Variants in ARHGEF2 observed in about 807,000 individuals in gnomAD.
ARHGEF2 encodes Rho/Rac guanine nucleotide exchange factor 2.
Under a neutral mutation model 121.0 loss-of-function variants are expected in ARHGEF2, and 22 were observed. The observed-to-expected ratio is 0.18, with a 90% CI of 0.13 to 0.26. The LOEUF is 0.26. Among genes scored for constraint, ARHGEF2 ranks in the 10% least tolerant of loss-of-function variants. The pLI is 1.00. For synonymous variants in ARHGEF2, 487 were observed against 530.0 expected (o/e 0.92, Z 1.11); for missense variants, 907 against 1,336.0 (o/e 0.68, Z 5.01).
intron 3 of ARHGEF2, 146 bp from the exon 4 acceptor site, chr1:155,966,625 G>C: frequency 1.9e-6 from 2 of 1,067,328 alleles, no homozygotes; most frequent in Admixed American, 3.8e-5. Context: ...ATTGAGCCCA[G>C]TGCTGTGGGG....
At chr1:155,953,824 G>A (rs1335200678) in intron 14 of ARHGEF2, among the ~76,000 whole-genome samples, 1 of 151,990 alleles carries the variant, frequency 6.6e-6, no homozygotes, top group Non-Finnish European at 1.5e-5. Context: ...TCCTTGCTAG[G>A]TGTGATACAG....
rs1471268803 is a variant in ARHGEF2 at position 155,957,887 on chromosome 1, C to T, written c.1546-5G>A. ...CGATACCACTGAAGGCTTGTCCTGC[C>T]AGTCAGGGGAAAGGAAGGATTAAGC... On this transcript the variant is annotated splice_polypyrimidine_tract_variant and splice_region_variant and intron_variant, in intron 12 of 21. Coordinates refer to ENST00000361247, the MANE Select transcript of ARHGEF2 (RefSeq NM_001162383.2). 3 of 1,612,702 alleles carry T rather than the reference C, an allele frequency of 1.9e-6. No individual in the cohort carries two copies. Among genetic ancestry groups the T allele is most frequent in the East Asian group, 4.5e-5 (2 of 44,884 alleles).
In ARHGEF2 at chr1:155,957,885, G is replaced by A. The variant is rs1677028514; in HGVS notation, c.1546-3C>T. On this transcript the variant is annotated splice_polypyrimidine_tract_variant and splice_region_variant and intron_variant, in intron 12 of 21. Transcript: ENST00000361247. ...AGCGATACCACTGAAGGCTTGTCCT[G>A]CCAGTCAGGGGAAAGGAAGGATTAA... The A allele has an allele frequency of 1.9e-6, 3 of 1,612,824 alleles. No individual in the cohort carries two copies. The highest frequency in any genetic ancestry group is 2.5e-6 in the Non-Finnish European group (3 of 1,179,368).
chr1:155,978,211 C>T lies in ARHGEF2; in HGVS notation c.63+154G>A. 1 of 1,264,138 alleles carries T rather than the reference C, an allele frequency of 7.9e-7. No homozygotes were observed. The highest frequency in any genetic ancestry group is 1.0e-6 in the Non-Finnish European group (1 of 988,110). The allele number at this position is 1,264,138 out of a possible 1,614,324, so 78.3% of individuals were successfully genotyped here. A position where few individuals can be genotyped will look rare whatever the true frequency, so the allele number is the denominator to read the frequency against. On this transcript the variant is annotated intron_variant, in intron 1 of 21. Coordinates refer to ENST00000361247, the MANE Select transcript of ARHGEF2 (RefSeq NM_001162383.2). The surrounding 1 kb of genome is among the most constrained non-coding windows in gnomAD (Gnocchi z 4.1). Reference sequence around the variant, plus strand: ...CCACCCCTACCCACTCGCTCGCAGTCCCCACCCACCCCGTCCCGCCGCTCG... The same window carrying T: ...CCACCCCTACCCACTCGCTCGCAGTTCCCACCCACCCCGTCCCGCCGCTCG...
chr1:155,955,232 C>G (rs983126103), intron 13 of ARHGEF2, among the ~76,000 whole-genome samples: 4 of 152,106 alleles, frequency 2.6e-5, no homozygotes, highest in Admixed American at 1.3e-4. Context: ...TCAAGTGATT[C>G]ACTTGTCTCA....
intron 2 of ARHGEF2, 45 bp downstream of exon 2, chr1:155,969,111 A>G: frequency 6.2e-7 from 1 of 1,609,356 alleles, no homozygotes; most frequent in Non-Finnish European, 8.5e-7. Flanking sequence ...GATCAGGGTC[A>G]GTGGGCACCG....
chr1:155,959,070 G>A (rs1677330109), intron 11 of ARHGEF2, among the ~76,000 whole-genome samples: 1 of 151,924 alleles, frequency 6.6e-6, no homozygotes, highest in Admixed American at 6.6e-5. Flanking sequence ...AGACCCCCTG[G>A]GATGTCAGGC....
chr1:155,979,121 G>C (rs563879476), upstream of ARHGEF2: 3 of 985,462 alleles, frequency 3.0e-6, no homozygotes, highest in Non-Finnish European at 3.6e-6. Flanking sequence ...GGAAGGGTAG[G>C]ATTCACTCCC....
In ARHGEF2 at chr1:155,978,315, C is replaced by A. The variant is rs1248255323; in HGVS notation, c.63+50G>T. The A allele has an allele frequency of 1.4e-6, 2 of 1,429,050 alleles. No homozygotes were observed. The highest frequency in any genetic ancestry group is 1.9e-6 in the Non-Finnish European group (2 of 1,069,496). The allele number at this position is 1,429,050 out of a possible 1,614,324, so 88.5% of individuals were successfully genotyped here. On this transcript the variant is annotated intron_variant, in intron 1 of 21. Transcript: ENST00000361247. This position sits in a 1 kb window ranked among gnomAD's most constrained non-coding sequence, Gnocchi z 4.1. Reference sequence around the variant, plus strand: ...GAGATGCACCGCGGGTGCCGGGGTTCGGGGAGCACCCGAGGACCGCGGCGA... The same window carrying A: ...GAGATGCACCGCGGGTGCCGGGGTTAGGGGAGCACCCGAGGACCGCGGCGA...
intron 1 of ARHGEF2, among the ~76,000 whole-genome samples, chr1:155,976,930 C>T (rs1572212107): frequency 6.6e-6 from 1 of 152,094 alleles, no homozygotes; most frequent in Admixed American, 6.5e-5. Context: ...CTAATCCCAA[C>T]CCCCTAAGGA....
At chr1:155,976,003 G>T (rs1681231268) in intron 1 of ARHGEF2, among the ~76,000 whole-genome samples, 1 of 152,008 alleles carries the variant, frequency 6.6e-6, no homozygotes, top group South Asian at 2.1e-4. Context: ...AGGAAGCATG[G>T]AGGGGGCTAC....
At chr1:155,973,250 G>C (rs1279736902) in intron 1 of ARHGEF2, among the ~76,000 whole-genome samples, 3 of 152,074 alleles carry the variant, frequency 2.0e-5, no homozygotes, top group Non-Finnish European at 4.4e-5. Flanking sequence ...CCCTATTCTG[G>C]AAACCCTCTT....
At position 155,947,380 on chromosome 1, in the gene ARHGEF2, A is replaced by G; in HGVS notation, c.*562T>C. On this transcript the variant is annotated 3_prime_UTR_variant, in exon 22 of 22. Coordinates refer to ENST00000361247, the MANE Select transcript of ARHGEF2 (RefSeq NM_001162383.2). ...AGCCAGGTTATCTCCCAGGGCTTCC[A>G]TGAAGGACGGAGAAAGGGAGAACAG... 2.2e-6 allele frequency: 1 copy of G among 456,590 alleles called. No homozygotes were observed. Among genetic ancestry groups the G allele is most frequent in the South Asian group, 1.5e-5 (1 of 64,562 alleles). 28.3% of individuals were successfully genotyped at this position (456,590 alleles called of 1,614,324 possible).
intron 1 of ARHGEF2, chr1:155,969,848 CA>C: frequency 1.0e-6 from 1 of 985,980 alleles, no homozygotes; most frequent in Non-Finnish European, 1.2e-6. Flanking sequence ...CTGAAGGGGG[CA>C]GAATGCCTCC....
intron 14 of ARHGEF2, among the ~76,000 whole-genome samples, chr1:155,954,282 C>CTTTTTTTT (rs544870775): frequency 2.8e-5 from 3 of 108,508 alleles, no homozygotes; most frequent in Admixed American, 1.2e-4. Flanking sequence ...CAATCTACTT[C>CTTTTTTTT]TTTTTTTTTT....
chr1:155,950,722 G>T lies in ARHGEF2; in HGVS notation c.2703+107C>A. The T allele has an allele frequency of 8.4e-7, 1 of 1,186,580 alleles. No individual in the cohort carries two copies. Among genetic ancestry groups the T allele is most frequent in the South Asian group, 1.5e-5 (1 of 67,308 alleles). The allele number at this position is 1,186,580 out of a possible 1,614,324, so 73.5% of individuals were successfully genotyped here. On this transcript the variant is annotated intron_variant, in intron 20 of 21. Transcript: ENST00000361247. The surrounding 1 kb of genome is among the most constrained non-coding windows in gnomAD (Gnocchi z 5.2). ...CAGTATCTCAATATCCTTCAAGTCA[G>T]TTGACTGATTGCATTTGGGCTCAAA...
chr1:155,970,475 G>C, intron 1 of ARHGEF2: 1 of 985,466 alleles, frequency 1.0e-6, no homozygotes, highest in Non-Finnish European at 1.2e-6. Flanking sequence ...CTTGGAGCAG[G>C]ACTAGAAGCT....
chr1:155,948,139 T>C (rs974465362), intron 21 of ARHGEF2, 124 bp from the exon 22 acceptor site: 16 of 680,720 alleles, frequency 2.4e-5, no homozygotes, highest in Non-Finnish European at 3.6e-5. Flanking sequence ...GATGACAGGG[T>C]TCTGTAAATT....
chr1:155,957,038 TAA>T (rs911625922), intron 13 of ARHGEF2, among the ~76,000 whole-genome samples: 1 of 141,266 alleles, frequency 7.1e-6, no homozygotes, highest in Non-Finnish European at 1.6e-5. Context: ...CAAAAAAAAT[TAA>T]AAAAAAAAAA....
Sources: allele counts gnomAD v4.1 joint callset (sites outside exome capture counted in the v4.1 genomes callset), GRCh38; gene constraint gnomAD v4.1.1; non-coding constraint Gnocchi (gnomAD v3.1); transcripts MANE v1.5; gene names NCBI Gene and HGNC (gene_info 2026-07-23, HGNC 2026-07-21).